The following NBEA variants were observed in gnomAD, a reference collection of about 807,000 sequenced individuals.
NBEA encodes the protein neurobeachin, also known as lysosomal-trafficking regulator 2.
In NBEA, 44 loss-of-function variants were observed where a neutral mutation model predicts 343.4. The observed-to-expected ratio is 0.13, with a 90% CI of 0.10 to 0.16. The LOEUF (loss-of-function observed/expected upper bound fraction) is 0.16, where lower values mean the gene tolerates loss of function less well. NBEA is among the 10% of genes least tolerant of loss of function. The pLI, the probability that NBEA is intolerant of heterozygous loss-of-function variation, is 1.00. For synonymous variants in NBEA, 1,175 were observed against 1,238.7 expected, an observed-to-expected ratio of 0.95 and a Z score of 1.08; for missense variants, 2,555 against 3,631.3, an observed-to-expected ratio of 0.70 and a Z score of 7.62.
chr13:35,048,483 C>G (rs1460749968), intron 4 of NBEA, 80 bp from the exon 5 acceptor site: 6 of 1,288,798 alleles, frequency 4.7e-6, no homozygotes, highest in Admixed American at 2.6e-5. Context: ...GTTATTTAAT[C>G]TGCAAAAGCC....
At chr13:35,455,091 T>C (rs1200301145) in intron 40 of NBEA, among the ~76,000 whole-genome samples, 1 of 151,944 alleles carries the variant, frequency 6.6e-6, no homozygotes, top group South Asian at 2.1e-4. Context: ...TTCAAATATA[T>C]AAAAGTAATT....
At chr13:35,472,304 T>A in intron 40 of NBEA, 96 bp from the exon 41 acceptor site, 1 of 1,375,016 alleles carries the variant, frequency 7.3e-7, no homozygotes, top group Non-Finnish European at 9.8e-7. Flanking sequence ...TTTTTTCTAG[T>A]GCATCCTTAC....
rs1428852745 is a variant in NBEA, at chr13:35,041,004, A to G, written c.366A>G (p.Thr122=). The G allele has an allele frequency of 1.2e-6, 2 of 1,613,282 alleles. No individual in the cohort carries two copies. Among genetic ancestry groups the G allele is most frequent in the Non-Finnish European group, 1.7e-6 (2 of 1,179,428 alleles). The change falls in exon 2 of 59, where the codon ACA becomes ACG. Residue 122 remains threonine, a synonymous_variant. Transcript: ENST00000379939. ...ATGCTGAGAGTATAACATGTATGACAGAGCTTTTGGAGCACTGTGATGTAA... is the reference window on the plus strand; with the variant it reads ...ATGCTGAGAGTATAACATGTATGACGGAGCTTTTGGAGCACTGTGATGTAA... ...IQDAESITCM[T]ELLEHCDVTC... is the part of the protein sequence containing the mutation.
intron 1 of NBEA, among the ~76,000 whole-genome samples, chr13:35,000,402 C>G (rs141333880): frequency 1.3e-5 from 2 of 152,018 alleles, no homozygotes; most frequent in African/African-American, 4.8e-5. Context: ...GATAGATATG[C>G]TTGCTTGCTA....
intron 34 of NBEA, among the ~76,000 whole-genome samples, chr13:35,285,900 C>T (rs1233130641): frequency 6.6e-6 from 1 of 152,148 alleles, no homozygotes; most frequent in African/African-American, 2.4e-5. Flanking sequence ...TCCTTCACAG[C>T]CTACGACATA....
At chr13:35,576,735 AT>A (rs1470111952) in intron 45 of NBEA, among the ~76,000 whole-genome samples, 1 of 152,162 alleles carries the variant, frequency 6.6e-6, no homozygotes, top group Non-Finnish European at 1.5e-5. Context: ...AAACTATATG[AT>A]TTTTTAAATG....
At chr13:35,147,001 G>T (rs1190513764) in intron 18 of NBEA, among the ~76,000 whole-genome samples, 1 of 152,062 alleles carries the variant, frequency 6.6e-6, no homozygotes, top group African/African-American at 2.4e-5. Context: ...TTTTCTTAGG[G>T]CCTCCACAAG....
At chr13:35,379,734 T>TTTTG in intron 38 of NBEA, among the ~76,000 whole-genome samples, 1 of 151,972 alleles carries the variant, frequency 6.6e-6, no homozygotes, top group Non-Finnish European at 1.5e-5. Context: ...GCATGGATAT[T>TTTTG]CAGTCAAAGT....
intron 10 of NBEA, among the ~76,000 whole-genome samples, chr13:35,071,300 C>A (rs2063860119): frequency 6.6e-6 from 1 of 151,830 alleles, no homozygotes; most frequent in Non-Finnish European, 1.5e-5. Flanking sequence ...ATGCTTTTGT[C>A]ATGGCATAAG....
intron 48 of NBEA, among the ~76,000 whole-genome samples, chr13:35,607,937 C>A (rs2082346701): frequency 6.6e-6 from 1 of 152,106 alleles, no homozygotes. Flanking sequence ...CTTTATATCT[C>A]CATTGATTTG....
intron 36 of NBEA, among the ~76,000 whole-genome samples, chr13:35,323,117 T>A (rs147514034): frequency 2.0e-5 from 3 of 152,320 alleles, no homozygotes; most frequent in Non-Finnish European, 4.4e-5. Flanking sequence ...CCCAAAGTGC[T>A]GGGATTACAC....
chr13:35,426,611 A>C (rs532555180), intron 38 of NBEA, among the ~76,000 whole-genome samples: 2 of 152,150 alleles, frequency 1.3e-5, no homozygotes, highest in Admixed American at 1.3e-4. Context: ...GGTGAATCTG[A>C]CAATTATGTG....
At chr13:35,490,746 A>G (rs569987663) in intron 41 of NBEA, among the ~76,000 whole-genome samples, 68 of 89,398 alleles carry the variant, frequency 7.6e-4, no homozygotes, top group African/African-American at 2.4e-3. Context: ...ATATTACTGT[A>G]TGTACCTTCA....
At chr13:35,426,944 A>G (rs1319698013) in intron 38 of NBEA, among the ~76,000 whole-genome samples, 2 of 152,250 alleles carry the variant, frequency 1.3e-5, no homozygotes, top group Admixed American at 6.5e-5. Context: ...AGGCTTCTGC[A>G]TTCGTCACGT....
intron 31 of NBEA, among the ~76,000 whole-genome samples, chr13:35,197,431 A>G (rs2072696895): frequency 6.6e-6 from 1 of 152,168 alleles, no homozygotes; most frequent in Admixed American, 6.6e-5. Context: ...CTTTCTCTAA[A>G]GTAGCCAGAC....
chr13:35,318,686 C>T (rs563611518), intron 36 of NBEA, among the ~76,000 whole-genome samples: 30 of 152,268 alleles, frequency 2.0e-4, no homozygotes, highest in African/African-American at 7.0e-4. Context: ...GTACCAGCTC[C>T]TCTTTGTACC....
At position 35,142,280 on chromosome 13, in the gene NBEA, A is replaced by T; in HGVS notation, c.2348A>T (p.Glu783Val). The T allele has an allele frequency of 6.2e-7, 1 of 1,610,502 alleles. No homozygotes were observed. Among genetic ancestry groups the T allele is most frequent in the Non-Finnish European group, 8.5e-7 (1 of 1,177,864 alleles). The change falls in exon 18 of 59, where the codon GAA becomes GTA. Residue 783 changes from glutamate (E) to valine (V), a missense_variant. By Grantham distance (121) the Glu-to-Val change is moderately radical. This residue lies in a region of NBEA where 360 missense variants were observed against 519.1 expected (regional missense o/e 0.69). Transcript: ENST00000379939. The part of the protein sequence containing the change: ...LKHLGHKRKV[E>V]IMHTHSLFTL... ...CTCCTTCTCTCCAGGAGAAAAGTTG[A>T]AATTATGCACACCCATAGTCTTTTC...
intron 41 of NBEA, among the ~76,000 whole-genome samples, chr13:35,489,953 C>T (rs2152972971): frequency 6.6e-6 from 1 of 152,010 alleles, no homozygotes; most frequent in East Asian, 1.9e-4. Context: ...CTTCACTGTC[C>T]TAGCAGTGTT....
In NBEA at chr13:35,026,516, T is replaced by C. The variant is rs74051215; in HGVS notation, c.295-14417T>C. On this transcript the variant is annotated intron_variant, in intron 1 of 58. Transcript: ENST00000379939. ...TATCTTTCATAGTTATCCATACCCATTGCAAATCTCATCTTTTCATGAAGA... is the reference window on the plus strand; with the variant it reads ...TATCTTTCATAGTTATCCATACCCACTGCAAATCTCATCTTTTCATGAAGA... Among the ~76,000 whole-genome samples, 407 of 152,278 alleles carry C rather than the reference T, an allele frequency of 2.7e-3. 3 individuals are homozygous for C. The highest frequency in any genetic ancestry group is 9.3e-3 in the African/African-American group (386 of 41,578).
Sources: gnomAD v4.1 joint callset for allele counts (sites outside exome capture counted in the v4.1 genomes callset) on GRCh38, gnomAD v4.1.1 for gene constraint, gnomAD v4.1.1 regional missense constraint, MANE v1.5 for transcripts, NCBI Gene and HGNC (gene_info 2026-07-23, HGNC 2026-07-21) for gene names.